The following ARHGEF2 variants were observed in gnomAD, a reference collection of about 807,000 sequenced individuals.
The protein encoded by ARHGEF2 is rho guanine nucleotide exchange factor 2.
In ARHGEF2, 22 loss-of-function variants were observed where a neutral mutation model predicts 121.0. The observed-to-expected ratio is 0.18, with a 90% CI of 0.13 to 0.26. The LOEUF (loss-of-function observed/expected upper bound fraction) is 0.26, where lower values mean the gene tolerates loss of function less well. ARHGEF2 is among the 10% of genes least tolerant of loss of function. The pLI, the probability that ARHGEF2 is intolerant of heterozygous loss-of-function variation, is 1.00. For synonymous variants in ARHGEF2, 487 were observed against 530.0 expected, an observed-to-expected ratio of 0.92 and a Z score of 1.11; for missense variants, 907 against 1,336.0, an observed-to-expected ratio of 0.68 and a Z score of 5.01.
rs34196691 is a variant in ARHGEF2 at position 155,963,344 on chromosome 1, C to CT, written c.725-162dup. On this transcript the variant is annotated intron_variant, in intron 7 of 21. Coordinates refer to ENST00000361247, the MANE Select transcript of ARHGEF2 (RefSeq NM_001162383.2). ...TAGATACTTTTCTAATCATTTTTAT[C>CT]TTTTTTTTTTTTTTTTTTTGAGACA... is the stretch of plus-strand genomic sequence containing the variant. Among the ~76,000 whole-genome samples, 128 of 91,310 alleles carry CT rather than the reference C, an allele frequency of 1.4e-3. 1 individual carries two copies. Among genetic ancestry groups the CT allele is most frequent in the African/African-American group, 3.9e-3 (114 of 28,910 alleles). 59.9% of individuals were successfully genotyped at this position (91,310 alleles called of 152,430 possible). A position where few individuals can be genotyped will look rare whatever the true frequency, so the allele number is the denominator to read the frequency against.
chr1:155,952,832 C>T lies in ARHGEF2; in HGVS notation c.1784-4G>A. The T allele has an allele frequency of 1.2e-6, 2 of 1,614,028 alleles. No homozygotes were observed. Among genetic ancestry groups the T allele is most frequent in the South Asian group, 2.2e-5 (2 of 91,068 alleles). ...CGGTCCTTCTGCTGCAACTCCACTG[C>T]AGATAAGGAACAAGTGAGGACATGA... On this transcript the variant is annotated splice_region_variant and splice_polypyrimidine_tract_variant and intron_variant, in intron 14 of 21. Coordinates refer to ENST00000361247, the MANE Select transcript of ARHGEF2 (RefSeq NM_001162383.2).
intron 1 of ARHGEF2, chr1:155,972,204 C>T (rs1006236802): frequency 4.3e-6 from 2 of 460,086 alleles, no homozygotes; most frequent in Non-Finnish European, 9.0e-6. Flanking sequence ...CAATGCTCCA[C>T]AGACAGCCCT....
intron 2 of ARHGEF2, 185 bp downstream of exon 2, chr1:155,968,971 A>T: frequency 1.5e-6 from 1 of 679,276 alleles, no homozygotes; most frequent in Non-Finnish European, 2.4e-6. Flanking sequence ...GCCATATTCC[A>T]ACAGCCACCA....
Position 155,966,813 on chromosome 1 carries a change from G to C in ARHGEF2, c.276+7C>G. 6.2e-7 allele frequency: 1 copy of C among 1,610,464 alleles called. No homozygotes were observed. Among genetic ancestry groups the C allele is most frequent in the African/African-American group, 1.3e-5 (1 of 74,844 alleles). On this transcript the variant is annotated splice_region_variant and intron_variant, in intron 3 of 21. Transcript: ENST00000361247. ...CCCCCAGCCCTCTGCCCTCCCTGCCGTCTCACCTTCTGCTTGACCTTGGTA... is the reference window on the plus strand; with the variant it reads ...CCCCCAGCCCTCTGCCCTCCCTGCCCTCTCACCTTCTGCTTGACCTTGGTA...
intron 11 of ARHGEF2, among the ~76,000 whole-genome samples, chr1:155,958,608 T>C (rs1305120921): frequency 6.8e-6 from 1 of 146,810 alleles, no homozygotes; most frequent in Non-Finnish European, 1.5e-5. Flanking sequence ...AGAGTTTTCA[T>C]CTTGTTGTTC....
chr1:155,970,670 C>T (rs1326499171), intron 1 of ARHGEF2: 3 of 985,674 alleles, frequency 3.0e-6, no homozygotes, highest in African/African-American at 1.7e-5. Flanking sequence ...CACGAGGCCA[C>T]GCCAGCAGCT....
At chr1:155,970,262 T>C (rs1680209561) in intron 1 of ARHGEF2, 2 of 985,396 alleles carry the variant, frequency 2.0e-6, no homozygotes, top group Admixed American at 6.1e-5. Context: ...TGAGCCGCAT[T>C]TTCCATCTCT....
In ARHGEF2 at chr1:155,965,723, G is replaced by A; in HGVS notation, c.378C>T (p.Pro126=). The A allele has an allele frequency of 6.2e-7, 1 of 1,603,656 alleles. No homozygotes were observed. Among genetic ancestry groups the A allele is most frequent in the South Asian group, 1.1e-5 (1 of 89,804 alleles). ...IRERPSSAIY[P]SDSFRQSLLG... ...GGAGGGACTGCCGGAAGCTGTCGGA[G>A]GGGTAGATGGCCGAGCTTGGCCGCT... is the stretch of plus-strand genomic sequence containing the variant. Residue 126 remains proline, a synonymous_variant, in exon 5 of 22, where the codon CCC becomes CCT. Coordinates refer to ENST00000361247, the MANE Select transcript of ARHGEF2 (RefSeq NM_001162383.2). The surrounding 1 kb of genome is among the most constrained non-coding windows in gnomAD (Gnocchi z 6.0).
rs1381018080 is a variant in ARHGEF2, at chr1:155,962,168, G to A, written c.1156C>T (p.Leu386=). Residue 386 remains leucine (L), a synonymous_variant, in exon 10 of 22, where the codon CTG becomes TTG. Transcript: ENST00000361247. The surrounding 1 kb of genome is among the most constrained non-coding windows in gnomAD (Gnocchi z 5.8). ...KRHGVQECIL[L]VTQRITKYPL... is the part of the protein sequence containing the mutation. The stretch of plus-strand genomic sequence containing the variant: ...TACTTGGTGATGCGCTGAGTCACCA[G>A]CAGGATGCACTCCTGTACCCCGTGC... 1 of 1,614,178 alleles carries A rather than the reference G, an allele frequency of 6.2e-7. No homozygotes were observed. The highest frequency in any genetic ancestry group is 8.5e-7 in the Non-Finnish European group (1 of 1,180,040).
intron 14 of ARHGEF2, among the ~76,000 whole-genome samples, chr1:155,954,282 CTT>C (rs544870775): frequency 5.5e-5 from 6 of 108,494 alleles, no homozygotes; most frequent in Admixed American, 1.2e-4. Flanking sequence ...CAATCTACTT[CTT>C]TTTTTTTTTT....
chr1:155,962,924 T>C lies in ARHGEF2; in HGVS notation c.975+9A>G. ...ATGAATGTCACCCAGGGGTCCTGCC[T>C]TTTCCCACCTGGCTGATGAGCAGAT... On this transcript the variant is annotated intron_variant, in intron 8 of 21. Transcript: ENST00000361247. This position sits in a 1 kb window ranked among gnomAD's most constrained non-coding sequence, Gnocchi z 5.8. The C allele has an allele frequency of 6.2e-7, 1 of 1,613,964 alleles. No individual in the cohort carries two copies. The highest frequency in any genetic ancestry group is 2.2e-5 in the East Asian group (1 of 44,876).
intron 7 of ARHGEF2, among the ~76,000 whole-genome samples, chr1:155,964,165 AAAATATATATATATATATAT>A (rs1193231123): frequency 5.4e-5 from 5 of 93,050 alleles, no homozygotes; most frequent in African/African-American, 2.8e-4. Context: ...AAAAAAAAAA[AAAATATATATATATATATAT>A]ATATATATAT....
At position 155,950,167 on chromosome 1, in the gene ARHGEF2, A is replaced by G; in HGVS notation, c.2887+132T>C. ...TTCCACCACCCATTCATCATCAGAC[A>G]AAACAGGAAGTCCCTCCCTAGAGTT... is the stretch of plus-strand genomic sequence containing the variant. On this transcript the variant is annotated intron_variant, in intron 21 of 21. Coordinates refer to ENST00000361247, the MANE Select transcript of ARHGEF2 (RefSeq NM_001162383.2). This position sits in a 1 kb window ranked among gnomAD's most constrained non-coding sequence, Gnocchi z 5.2. 8.7e-7 allele frequency: 1 copy of G among 1,143,164 alleles called. No individual in the cohort carries two copies. The highest frequency in any genetic ancestry group is 1.2e-6 in the Non-Finnish European group (1 of 807,160). The allele number at this position is 1,143,164 out of a possible 1,614,324, so 70.8% of individuals were successfully genotyped here.
chr1:155,961,842 C>T lies in ARHGEF2; in HGVS notation c.1287G>A (p.Val429=). The change falls in exon 11 of 22, where the codon GTG becomes GTA. Residue 429 remains valine (V), a synonymous_variant. Coordinates refer to ENST00000361247, the MANE Select transcript of ARHGEF2 (RefSeq NM_001162383.2). This position sits in a 1 kb window ranked among gnomAD's most constrained non-coding sequence, Gnocchi z 4.7. ...LGLVKELLSN[V]DEGIYQLEKG... ...TCTCCAGCTGATAAATACCCTCGTC[C>T]ACATTGGACAGCAGCTCCTTCACTA... is the stretch of plus-strand genomic sequence containing the variant. 4 of 1,614,218 alleles carry T rather than the reference C, an allele frequency of 2.5e-6. No homozygotes were observed. Among genetic ancestry groups the T allele is most frequent in the Non-Finnish European group, 2.5e-6 (3 of 1,180,048 alleles).
In ARHGEF2 at chr1:155,962,440, G is replaced by C; in HGVS notation, c.1101+153C>G. 1 of 1,205,058 alleles carries C rather than the reference G, an allele frequency of 8.3e-7. No homozygotes were observed. Among genetic ancestry groups the C allele is most frequent in the South Asian group, 1.4e-5 (1 of 69,394 alleles). The allele number at this position is 1,205,058 out of a possible 1,614,324, so 74.6% of individuals were successfully genotyped here. Reference sequence around the variant, plus strand: ...CTACCACAACGTGCTCTAGCATTCTGAGGGGTTACTGCTGACAGGATCTGT... The same window carrying C: ...CTACCACAACGTGCTCTAGCATTCTCAGGGGTTACTGCTGACAGGATCTGT... On this transcript the variant is annotated intron_variant, in intron 9 of 21. Coordinates refer to ENST00000361247, the MANE Select transcript of ARHGEF2 (RefSeq NM_001162383.2). This position sits in a 1 kb window ranked among gnomAD's most constrained non-coding sequence, Gnocchi z 5.8.
chr1:155,978,616 G>C (rs1056426500), upstream of ARHGEF2: 1 of 1,255,412 alleles, frequency 8.0e-7, no homozygotes. This position sits in a 1 kb window ranked among gnomAD's most constrained non-coding sequence, Gnocchi z 4.1. Flanking sequence ...TCAGGAAGGG[G>C]GTAGGCGGAG....
rs765717766 is a variant in ARHGEF2 at position 155,962,571 on chromosome 1, G to T, written c.1101+22C>A. On this transcript the variant is annotated intron_variant, in intron 9 of 21. Transcript: ENST00000361247. This position sits in a 1 kb window ranked among gnomAD's most constrained non-coding sequence, Gnocchi z 5.8. ...AGGGTGGGTTTGGGCCATGAGCATG[G>T]GATCTGGAGAGGTCCGCTCACCCGG... 44 of 1,611,724 alleles carry T rather than the reference G, an allele frequency of 2.7e-5. No homozygotes were observed. Among genetic ancestry groups the T allele is most frequent in the Non-Finnish European group, 2.4e-5 (28 of 1,179,526 alleles).
At chr1:155,948,524 G>C (rs766222018) in intron 21 of ARHGEF2, among the ~76,000 whole-genome samples, 6 of 152,044 alleles carry the variant, frequency 3.9e-5, no homozygotes, top group African/African-American at 1.4e-4. Flanking sequence ...CCAGCTACTC[G>C]GGAGGCTGAG....
intron 7 of ARHGEF2, among the ~76,000 whole-genome samples, chr1:155,964,570 C>G (rs924220629): frequency 1.3e-5 from 2 of 151,878 alleles, no homozygotes; most frequent in African/African-American, 2.4e-5. Flanking sequence ...TGTGGGATAC[C>G]AGGCAGGGTC....
Sources: gnomAD v4.1 joint callset for allele counts (sites outside exome capture counted in the v4.1 genomes callset) on GRCh38, gnomAD v4.1.1 for gene constraint, Gnocchi (gnomAD v3.1) non-coding constraint, MANE v1.5 for transcripts, NCBI Gene and HGNC (gene_info 2026-07-23, HGNC 2026-07-21) for gene names.